CPQ: variants seen among roughly 807,000 people sequenced by gnomAD.
The protein encoded by CPQ is carboxypeptidase Q.
A neutral mutation model predicts 45.7 loss-of-function variants in CPQ; 37 were observed. That is an observed-to-expected ratio of 0.81 (90% confidence interval 0.62 to 1.07). The LOEUF (loss-of-function observed/expected upper bound fraction) is 1.07. CPQ is among the 50% of genes least tolerant of loss of function. The pLI is 0.00. For synonymous variants in CPQ, 186 were observed against 205.8 expected, an observed-to-expected ratio of 0.90 and a Z score of 0.82; for missense variants, 537 against 572.9, an observed-to-expected ratio of 0.94 and a Z score of 0.64.
At chr8:96,767,011 A>G (rs1170066385) in intron 1 of CPQ, among the ~76,000 whole-genome samples, 1 of 152,156 alleles carries the variant, frequency 6.6e-6, no homozygotes, top group African/African-American at 2.4e-5. Flanking sequence ...TTTTTCCTGC[A>G]CAGCTGTCAC....
intron 6 of CPQ, among the ~76,000 whole-genome samples, chr8:97,054,470 A>G (rs1810418155): frequency 1.3e-5 from 2 of 152,250 alleles, no homozygotes; most frequent in South Asian, 4.1e-4. Context: ...ACACCTGCAC[A>G]TGTACATTTA....
intron 1 of CPQ, among the ~76,000 whole-genome samples, chr8:96,763,720 A>T (rs939105081): frequency 2.0e-5 from 3 of 152,178 alleles, no homozygotes; most frequent in Admixed American, 1.3e-4. Flanking sequence ...ATAAAAAAGG[A>T]CAAAAGATTT....
chr8:96,727,310 T>C (rs1406875196), intron 1 of CPQ, among the ~76,000 whole-genome samples: 1 of 152,164 alleles, frequency 6.6e-6, no homozygotes, highest in Non-Finnish European at 1.5e-5. Context: ...TCCCATTTCG[T>C]TTTCACTGGG....
At chr8:96,684,638 C>T (rs910625076) in intron 1 of CPQ, among the ~76,000 whole-genome samples, 1 of 152,138 alleles carries the variant, frequency 6.6e-6, no homozygotes, top group Admixed American at 6.5e-5. Context: ...CTTCAGGCCC[C>T]TGGATGGAAC....
At chr8:96,749,937 G>T (rs561753975) in intron 1 of CPQ, among the ~76,000 whole-genome samples, 45 of 151,920 alleles carry the variant, frequency 3.0e-4, no homozygotes, top group Non-Finnish European at 5.6e-4. Context: ...AACTATAAAG[G>T]TCCCAAAATA....
In CPQ at chr8:96,758,014, A is replaced by G. The variant is rs553148919; in HGVS notation, c.-34-26850A>G. Among the ~76,000 whole-genome samples, 9 of 152,314 alleles carry G rather than the reference A, an allele frequency of 5.9e-5. No homozygotes were observed. In the East Asian group the frequency reaches 1.3e-3, roughly 23 times the overall value. ...AATGTCTAACGGGCTTTCATCTGTC[A>G]TGGATTTAGGTGAATTAATACAACT... On this transcript the variant is annotated intron_variant, in intron 1 of 7. Coordinates refer to ENST00000220763, the MANE Select transcript of CPQ (RefSeq NM_016134.4).
At chr8:96,696,199 C>T (rs1232214254) in intron 1 of CPQ, among the ~76,000 whole-genome samples, 6 of 151,414 alleles carry the variant, frequency 4.0e-5, no homozygotes, top group Non-Finnish European at 8.8e-5. Context: ...GAACAAAAAA[C>T]CAAACACCGC....
intron 7 of CPQ, among the ~76,000 whole-genome samples, chr8:97,087,157 G>A (rs1483757054): frequency 6.6e-6 from 1 of 152,150 alleles, no homozygotes; most frequent in African/African-American, 2.4e-5. Context: ...TAATAGGCTG[G>A]CTTCCACAGG....
intron 4 of CPQ, among the ~76,000 whole-genome samples, chr8:96,952,137 A>G (rs1450710976): frequency 6.6e-6 from 1 of 152,164 alleles, no homozygotes; most frequent in Non-Finnish European, 1.5e-5. Context: ...AAAAACTGGC[A>G]GATTAATTTT....
At chr8:96,961,698 T>C (rs1285565525) in intron 4 of CPQ, among the ~76,000 whole-genome samples, 1 of 152,230 alleles carries the variant, frequency 6.6e-6, no homozygotes, top group Admixed American at 6.5e-5. Context: ...CACCAGAATC[T>C]AAATTCAATT....
chr8:96,725,787 A>C (rs1309293146), intron 1 of CPQ, among the ~76,000 whole-genome samples: 1 of 152,234 alleles, frequency 6.6e-6, no homozygotes, highest in East Asian at 1.9e-4. Context: ...ATGCACTCAT[A>C]TGTTTACCAT....
chr8:96,691,819 G>A (rs1024967637), intron 1 of CPQ, among the ~76,000 whole-genome samples: 2 of 152,172 alleles, frequency 1.3e-5, no homozygotes, highest in South Asian at 2.1e-4. Context: ...GTGGCTTTTC[G>A]GTAGAGGCAA....
intron 7 of CPQ, among the ~76,000 whole-genome samples, chr8:97,118,675 G>A (rs1268940590): frequency 6.6e-6 from 1 of 152,140 alleles, no homozygotes; most frequent in Non-Finnish European, 1.5e-5. Context: ...TTTAGCATGT[G>A]TCATGATTTA....
chr8:96,661,329 A>G (rs1311658838), intron 1 of CPQ, among the ~76,000 whole-genome samples: 1 of 152,094 alleles, frequency 6.6e-6, no homozygotes, highest in East Asian at 1.9e-4. Flanking sequence ...TGATGAACCC[A>G]TATAGACATA....
At chr8:96,681,536 A>C (rs535065490) in intron 1 of CPQ, among the ~76,000 whole-genome samples, 1 of 152,244 alleles carries the variant, frequency 6.6e-6, no homozygotes, top group Non-Finnish European at 1.5e-5. Context: ...CACAGGCAGA[A>C]GTTTGCTACA....
At chr8:96,692,162 G>A (rs754596920) in intron 1 of CPQ, among the ~76,000 whole-genome samples, 3 of 152,182 alleles carry the variant, frequency 2.0e-5, no homozygotes, top group Admixed American at 6.5e-5. Flanking sequence ...ATATTGGTAA[G>A]TGCAGGAGTG....
chr8:96,917,713 A>G (rs993122051), intron 4 of CPQ, among the ~76,000 whole-genome samples: 4 of 152,180 alleles, frequency 2.6e-5, no homozygotes, highest in Non-Finnish European at 5.9e-5. Context: ...ACACATATCT[A>G]TAAGTATTTC....
In CPQ at chr8:96,835,053, G is replaced by A. The variant is rs1195461729; in HGVS notation, c.514G>A (p.Val172Ile). The A allele has an allele frequency of 1.2e-6, 2 of 1,613,502 alleles. No homozygotes were observed. Among genetic ancestry groups the A allele is most frequent in the Admixed American group, 3.3e-5 (2 of 59,916 alleles). Residue 172 changes from valine (V) to isoleucine (I), a missense_variant, in exon 3 of 8, where the codon GTT (valine) becomes ATT (isoleucine). Val to Ile is a conservative substitution (Grantham distance 29, BLOSUM62 3). Transcript: ENST00000220763. ...RASEARGKIV[V>I]YNQPYINYSR... is the part of the protein sequence containing the mutation. ...CTCAGAAGCAAGAGGGAAGATTGTT[G>A]TTTATAACCAACCTTACATCAACTA...
intron 1 of CPQ, among the ~76,000 whole-genome samples, chr8:96,737,355 G>GAGATATATATATATATATAT (rs1554561433): frequency 6.8e-5 from 8 of 117,996 alleles, no homozygotes; most frequent in Admixed American, 1.9e-4. Flanking sequence ...ACTAATAGGA[G>GAGATATATATATATATATAT]ATATATATAT....
Sources: allele counts gnomAD v4.1 joint callset (sites outside exome capture counted in the v4.1 genomes callset), GRCh38; gene constraint gnomAD v4.1.1; transcripts MANE v1.5; gene names NCBI Gene and HGNC (gene_info 2026-07-23, HGNC 2026-07-21).